Variants in CTNNA2 observed in about 807,000 individuals in gnomAD.
The protein encoded by CTNNA2 is catenin alpha-2.
A neutral mutation model predicts 101.0 loss-of-function variants in CTNNA2; 42 were observed. The ratio of observed to expected loss-of-function variants is 0.42; its 90% CI spans 0.32 to 0.54. CTNNA2 has a LOEUF of 0.54. CTNNA2 is among the 20% of genes least tolerant of loss of function. CTNNA2 has a pLI of 0.14. For missense variants in CTNNA2, 871 were observed against 1,223.1 expected (o/e 0.71, Z 4.29); for synonymous variants, 450 against 456.4 (o/e 0.99, Z 0.18).
rs567190641 is a variant in CTNNA2 at position 80,073,044 on chromosome 2, C to T, written c.1056+163247C>T. Among the ~76,000 whole-genome samples the T allele has an allele frequency of 5.3e-5, 8 of 152,234 alleles. No individual in the cohort carries two copies. In the East Asian group the frequency reaches 5.8e-4, roughly 11 times the overall value. ...GAATCAATCAAAGTGAAGCAATTAT[C>T]GTGAGTAGAAGCCAGAAGCTTTCTA... On this transcript the variant is annotated intron_variant, in intron 7 of 18. Transcript: ENST00000402739.
intron 7 of CTNNA2, among the ~76,000 whole-genome samples, chr2:80,113,810 G>T (rs1375032734): frequency 6.6e-6 from 1 of 152,176 alleles, no homozygotes; most frequent in Admixed American, 6.5e-5. Context: ...ATCTGGTAAG[G>T]TGGAAGAAAA....
chr2:79,592,351 C>T (rs1676918040), intron 1 of CTNNA2, among the ~76,000 whole-genome samples: 3 of 151,832 alleles, frequency 2.0e-5, no homozygotes, highest in African/African-American at 7.3e-5. Flanking sequence ...AGGCTGATCT[C>T]GAACTCCTGA....
chr2:80,080,697 T>C (rs1026582532), intron 7 of CTNNA2, among the ~76,000 whole-genome samples: 5 of 152,178 alleles, frequency 3.3e-5, no homozygotes, highest in African/African-American at 1.2e-4. Context: ...CCTGGATCTT[T>C]CCTATTTGTA....
intron 9 of CTNNA2, among the ~76,000 whole-genome samples, chr2:80,425,708 G>A (rs888740152): frequency 3.3e-5 from 5 of 151,558 alleles, no homozygotes; most frequent in Middle Eastern, 3.2e-3. Context: ...TATTTTATGG[G>A]TTTTTTTTCC....
At chr2:79,332,660 G>A (rs932724047) in intron 3 of CTNNA2, among the ~76,000 whole-genome samples, 5 of 152,196 alleles carry the variant, frequency 3.3e-5, no homozygotes, top group African/African-American at 1.2e-4. Flanking sequence ...TAAACAATTA[G>A]AGTGTTGTAT....
chr2:80,543,196 G>C (rs1443775342), intron 9 of CTNNA2, among the ~76,000 whole-genome samples: 1 of 152,164 alleles, frequency 6.6e-6, no homozygotes, highest in African/African-American at 2.4e-5. Flanking sequence ...AAATGAACCA[G>C]AATATAGAAT....
intron 6 of CTNNA2, among the ~76,000 whole-genome samples, chr2:79,895,000 T>C (rs1684599048): frequency 6.6e-6 from 1 of 152,248 alleles, no homozygotes; most frequent in Non-Finnish European, 1.5e-5. Flanking sequence ...TCACAATAGA[T>C]AGCCCATGGC....
At chr2:80,043,108 TCTCTTTCTTTC>T (rs1696251370) in intron 7 of CTNNA2, among the ~76,000 whole-genome samples, 1 of 73,932 alleles carries the variant, frequency 1.4e-5, no homozygotes, top group Admixed American at 1.5e-4. Flanking sequence ...TCTCTCTCTC[TCTCTTTCTTTC>T]TCCTTCCTTC....
chr2:79,591,041 G>A (rs189167966), intron 1 of CTNNA2, among the ~76,000 whole-genome samples: 1 of 152,108 alleles, frequency 6.6e-6, no homozygotes, highest in African/African-American at 2.4e-5. Context: ...TGCTTTAGGA[G>A]ACATGGGAGA....
At chr2:80,476,134 A>G (rs1685709279) in intron 9 of CTNNA2, among the ~76,000 whole-genome samples, 1 of 152,060 alleles carries the variant, frequency 6.6e-6, no homozygotes, top group Non-Finnish European at 1.5e-5. Context: ...AATAGCACCT[A>G]TGTCCTTTAA....
Position 80,183,416 on chromosome 2 carries a change from G to C in CTNNA2, c.1057-209795G>C, listed in dbSNP as rs80317086. Among the ~76,000 whole-genome samples the C allele has an allele frequency of 4.8e-3, 726 of 152,290 alleles. 19 individuals carry two copies. In the East Asian group the frequency reaches 0.079, roughly 17 times the overall value. ...CCTCCAATCATAGTTGGTTTTGGCA[G>C]ATGGAAAGCAAGCAAACCAAAACCA... is the stretch of plus-strand genomic sequence containing the variant. On this transcript the variant is annotated intron_variant, in intron 7 of 18. Coordinates refer to ENST00000402739, the MANE Select transcript of CTNNA2 (RefSeq NM_001282597.3).
At chr2:79,874,023 T>C (rs1682804906) in intron 5 of CTNNA2, 53 bp from the exon 6 acceptor site, 2 of 1,598,148 alleles carry the variant, frequency 1.3e-6, no homozygotes, top group African/African-American at 1.3e-5. Flanking sequence ...GTGTTGCAAA[T>C]ATTTCTATGC....
chr2:79,307,879 G>T (rs893364584), intron 2 of CTNNA2, among the ~76,000 whole-genome samples: 1 of 151,652 alleles, frequency 6.6e-6, no homozygotes, highest in Non-Finnish European at 1.5e-5. Flanking sequence ...ACCAACATTT[G>T]TTTTTTTTCT....
intron 2 of CTNNA2, among the ~76,000 whole-genome samples, chr2:79,673,460 A>G (rs913509310): frequency 1.3e-5 from 2 of 152,202 alleles, no homozygotes; most frequent in Non-Finnish European, 1.5e-5. Flanking sequence ...TAAATTTACT[A>G]TGCTAAATGT....
intron 4 of CTNNA2, among the ~76,000 whole-genome samples, chr2:79,416,933 T>C (rs1482596731): frequency 1.3e-5 from 2 of 152,140 alleles, no homozygotes; most frequent in East Asian, 3.9e-4. Flanking sequence ...TCATGGCACA[T>C]TAGCAAACAT....
chr2:79,785,065 A>C (rs1674734704), intron 3 of CTNNA2, among the ~76,000 whole-genome samples: 1 of 152,126 alleles, frequency 6.6e-6, no homozygotes, highest in Non-Finnish European at 1.5e-5. Flanking sequence ...TGATCCAAAC[A>C]ACGCCATCTC....
chr2:80,534,226 A>G (rs1690792771), intron 9 of CTNNA2, among the ~76,000 whole-genome samples: 1 of 152,194 alleles, frequency 6.6e-6, no homozygotes, highest in African/African-American at 2.4e-5. Context: ...TTATAGATGT[A>G]TAACTGTAGT....
intron 7 of CTNNA2, among the ~76,000 whole-genome samples, chr2:80,002,205 A>G (rs1193497169): frequency 1.3e-5 from 2 of 152,228 alleles, no homozygotes; most frequent in Non-Finnish European, 2.9e-5. Flanking sequence ...AGGACACACT[A>G]TCTCACAAGA....
chr2:79,384,897 A>G (rs565202625), intron 4 of CTNNA2, among the ~76,000 whole-genome samples: 20 of 152,348 alleles, frequency 1.3e-4, no homozygotes, highest in African/African-American at 4.3e-4. Context: ...AAATCACATT[A>G]AAAGGCATTT....
Sources: allele counts gnomAD v4.1 joint callset (sites outside exome capture counted in the v4.1 genomes callset), GRCh38; gene constraint gnomAD v4.1.1; transcripts MANE v1.5; gene names NCBI Gene and HGNC (gene_info 2026-07-23, HGNC 2026-07-21).